Variants in RBBP5 observed in about 807,000 individuals in gnomAD.
RBBP5 encodes retinoblastoma-binding protein 5.
RBBP5 carries 5 observed loss-of-function variants against 72.2 expected under a neutral mutation model. That is an observed-to-expected ratio of 0.07 (90% CI 0.04 to 0.15). The LOEUF (loss-of-function observed/expected upper bound fraction) is 0.15, where lower values mean the gene tolerates loss of function less well. Among genes scored for constraint, RBBP5 ranks in the 10% least tolerant of loss-of-function variants. The pLI is 1.00. For synonymous variants in RBBP5, 209 were observed against 237.2 expected (o/e 0.88, Z 1.09); for missense variants, 322 against 652.2 (o/e 0.49, Z 5.51).
At position 205,112,993 on chromosome 1, in the gene RBBP5, C is replaced by T. The variant is rs537346047; in HGVS notation, c.218+1796G>A. On this transcript the variant is annotated intron_variant, in intron 3 of 13. Transcript: ENST00000264515. ...TTTTAAAATTAGCCAGGCATGGTGG[C>T]GCACATCTGTAGACCTAGCTACGCG... Among the ~76,000 whole-genome samples, 9 of 152,044 alleles carry T rather than the reference C, an allele frequency of 5.9e-5. No homozygotes were observed. In the South Asian group the frequency reaches 1.2e-3, roughly 21 times the overall value.
intron 3 of RBBP5, among the ~76,000 whole-genome samples, chr1:205,108,204 T>C (rs61822565): frequency 0.32 from 48,087 of 151,112 alleles, 9,051 homozygotes; most frequent in Non-Finnish European, 0.44. Context: ...TATCGCAGCA[T>C]TGCACTCCAG....
chr1:205,105,942 T>C (rs983138349), intron 3 of RBBP5, among the ~76,000 whole-genome samples: 8 of 152,238 alleles, frequency 5.3e-5, no homozygotes, highest in African/African-American at 1.7e-4. Flanking sequence ...TTGAAGCAGA[T>C]AGCCTAGACT....
Position 205,099,683 on chromosome 1 carries a change from G to T in RBBP5, c.978+58C>A, listed in dbSNP as rs1655748061. 1 of 1,478,278 alleles carries T rather than the reference G, an allele frequency of 6.8e-7. No homozygotes were observed. Among genetic ancestry groups the T allele is most frequent in the African/African-American group, 1.4e-5 (1 of 70,764 alleles). The allele number at this position is 1,478,278 out of a possible 1,614,324, so 91.6% of individuals were successfully genotyped here. On this transcript the variant is annotated intron_variant, in intron 9 of 13. Coordinates refer to ENST00000264515, the MANE Select transcript of RBBP5 (RefSeq NM_005057.4). The surrounding 1 kb of genome is among the most constrained non-coding windows in gnomAD (Gnocchi z 4.7). ...TAATTTTTAGCTTCCTATGTATAAG[G>T]TTCTTTGATAAAAAGAAGGGGTAAC...
rs1435583909 is a variant in RBBP5 at position 205,087,840 on chromosome 1, A to G, written c.*947T>C. 2 of 152,666 alleles carry G rather than the reference A, an allele frequency of 1.3e-5. No individual in the cohort carries two copies. The highest frequency in any genetic ancestry group is 4.8e-5 in the African/African-American group (2 of 41,464). 9.5% of individuals were successfully genotyped at this position (152,666 alleles called of 1,614,324 possible). A position where few individuals can be genotyped will look rare whatever the true frequency, so the allele number is the denominator to read the frequency against. On this transcript the variant is annotated 3_prime_UTR_variant, in exon 14 of 14. Coordinates refer to ENST00000264515, the MANE Select transcript of RBBP5 (RefSeq NM_005057.4). ...GGGAAAAATGCAATGACTGATGAGG[A>G]TAGATTTCCACAGGCAGTGATACAA... is the stretch of plus-strand genomic sequence containing the variant.
chr1:205,121,257 C>T (rs943277904), intron 1 of RBBP5, among the ~76,000 whole-genome samples: 5 of 152,174 alleles, frequency 3.3e-5, no homozygotes, highest in African/African-American at 1.2e-4. Flanking sequence ...AAAGACAACT[C>T]CCTCCGTATT....
At chr1:205,096,585 A>G in intron 12 of RBBP5, 97 bp downstream of exon 12, 1 of 1,122,854 alleles carries the variant, frequency 8.9e-7, no homozygotes, top group South Asian at 1.5e-5. Flanking sequence ...AAATTCCTCT[A>G]AGGTGAAATC....
Position 205,102,504 on chromosome 1 carries a change from C to T in RBBP5, c.523-795G>A, listed in dbSNP as rs548109726. On this transcript the variant is annotated intron_variant, in intron 5 of 13. Coordinates refer to ENST00000264515, the MANE Select transcript of RBBP5 (RefSeq NM_005057.4). ...GTCAAAGGGTGTTTCTAGGGGCTGGCGGAGAGCAGGGAATGGGAAATTATG... is the reference window on the plus strand; with the variant it reads ...GTCAAAGGGTGTTTCTAGGGGCTGGTGGAGAGCAGGGAATGGGAAATTATG... 3.9e-5 allele frequency among the ~76,000 whole-genome samples: 6 copies of T among 151,990 alleles called. No homozygotes were observed. The South Asian group carries it at 6.2e-4, about 16-fold the overall frequency.
intron 3 of RBBP5, among the ~76,000 whole-genome samples, chr1:205,112,143 C>T (rs1480275431): frequency 6.6e-6 from 1 of 152,086 alleles, no homozygotes; most frequent in East Asian, 1.9e-4. Context: ...CATGGCAAAA[C>T]ACTGTCTCTA....
chr1:205,094,949 G>A lies in RBBP5; in HGVS notation c.1512C>T (p.Tyr504=). The A allele has an allele frequency of 6.2e-7, 1 of 1,614,136 alleles. No homozygotes were observed. The highest frequency in any genetic ancestry group is 8.5e-7 in the Non-Finnish European group (1 of 1,180,026). The change falls in exon 13 of 14, where the codon TAC becomes TAT. Residue 504 remains tyrosine (Y), a synonymous_variant. Coordinates refer to ENST00000264515, the MANE Select transcript of RBBP5 (RefSeq NM_005057.4). The part of the protein sequence containing the change: ...EKDSPFKPKL[Y]KGDRGLPLEG... The stretch of plus-strand genomic sequence containing the variant: ...CCAGAGGTAAACCTCTGTCCCCTTT[G>A]TAGAGTTTCGGTTTAAATGGAGAAT...
At position 205,087,311 on chromosome 1, in the gene RBBP5, C is replaced by T. The variant is rs1192499106; in HGVS notation, c.*1476G>A. 1 of 151,736 alleles carries T rather than the reference C, an allele frequency of 6.6e-6. No homozygotes were observed. Among genetic ancestry groups the T allele is most frequent in the Non-Finnish European group, 1.5e-5 (1 of 68,040 alleles). 9.4% of individuals were successfully genotyped at this position (151,736 alleles called of 1,614,324 possible). The stretch of plus-strand genomic sequence containing the variant: ...TCCCACGTTCAAGTGATTCTCCTGA[C>T]TCAGCCTCCAGTGTAGCTGGGATTA... On this transcript the variant is annotated 3_prime_UTR_variant, in exon 14 of 14. Transcript: ENST00000264515.
intron 3 of RBBP5, among the ~76,000 whole-genome samples, chr1:205,107,052 A>ATG (rs373075505): frequency 0.31 from 46,929 of 150,122 alleles, 8,576 homozygotes; most frequent in Non-Finnish European, 0.43. Flanking sequence ...ATGTGTGTAT[A>ATG]TGTATGTGTG....
At chr1:205,116,201 C>T (rs1656512990) in intron 1 of RBBP5, 1 of 437,348 alleles carries the variant, frequency 2.3e-6, no homozygotes, top group African/African-American at 2.0e-5. Context: ...AAAAATGTCA[C>T]AACAGTGGCA....
At chr1:205,119,678 T>G (rs1656662924) in intron 1 of RBBP5, among the ~76,000 whole-genome samples, 1 of 152,212 alleles carries the variant, frequency 6.6e-6, no homozygotes, top group African/African-American at 2.4e-5. Flanking sequence ...CAGACTCAAC[T>G]GCTCTGATTG....
intron 1 of RBBP5, among the ~76,000 whole-genome samples, chr1:205,118,234 T>C (rs1656603108): frequency 6.6e-6 from 1 of 152,194 alleles, no homozygotes; most frequent in South Asian, 2.1e-4. Flanking sequence ...TGGTATCTTA[T>C]TTCAATGTTT....
chr1:205,104,561 G>A (rs993379704), intron 4 of RBBP5, among the ~76,000 whole-genome samples: 4 of 151,478 alleles, frequency 2.6e-5, no homozygotes, highest in Non-Finnish European at 4.4e-5. Context: ...ACGCATTCAG[G>A]GCCAGGCGCA....
chr1:205,102,671 T>C (rs902471200), intron 5 of RBBP5, among the ~76,000 whole-genome samples: 4 of 152,168 alleles, frequency 2.6e-5, no homozygotes, highest in South Asian at 4.1e-4. Flanking sequence ...AAATTTATGC[T>C]GTGTGTATTT....
rs375214961 is a variant in RBBP5, at chr1:205,097,274, A to G, written c.1166+52T>C. ...CAGGGAAACTGCAGAGTACTCCCCC[A>G]GAGGCCAGGAGCAGCAGTAGCCAAG... On this transcript the variant is annotated intron_variant, in intron 11 of 13. Transcript: ENST00000264515. 45 of 1,507,674 alleles carry G rather than the reference A, an allele frequency of 3.0e-5. No homozygotes were observed. In the African/African-American group the frequency reaches 5.1e-4, roughly 17 times the overall value. The allele number at this position is 1,507,674 out of a possible 1,614,324, so 93.4% of individuals were successfully genotyped here.
intron 13 of RBBP5, among the ~76,000 whole-genome samples, chr1:205,089,630 T>C (rs1655259870): frequency 6.6e-6 from 1 of 152,210 alleles, no homozygotes; most frequent in Admixed American, 6.5e-5. Flanking sequence ...TTGAAGTTCC[T>C]GCACAAATGA....
intron 2 of RBBP5, 76 bp from the exon 3 acceptor site, chr1:205,115,037 C>G (rs966240084): frequency 4.1e-5 from 53 of 1,287,952 alleles, no homozygotes; most frequent in Non-Finnish European, 5.5e-5. Context: ...GGTTCTTTAT[C>G]ACTTGTGATA....
Sources: gnomAD v4.1 joint callset for allele counts (sites outside exome capture counted in the v4.1 genomes callset) on GRCh38, gnomAD v4.1.1 for gene constraint, Gnocchi (gnomAD v3.1) non-coding constraint, MANE v1.5 for transcripts, NCBI Gene and HGNC (gene_info 2026-07-23, HGNC 2026-07-21) for gene names.